The following CAMK2D variants were observed in gnomAD, a reference collection of about 807,000 sequenced individuals.
CAMK2D encodes calcium/calmodulin dependent protein kinase II delta, also known as calcium/calmodulin-dependent protein kinase type II subunit delta.
A neutral mutation model predicts 84.0 loss-of-function variants in CAMK2D; 37 were observed. That is an observed-to-expected ratio of 0.44 (90% CI 0.34 to 0.58). CAMK2D has a LOEUF of 0.58. Ranked by LOEUF, CAMK2D falls within the 20% of genes least tolerant of loss-of-function variation. The pLI is 0.02. For missense variants in CAMK2D, 448 were observed against 652.5 expected (o/e 0.69, Z 3.41); for synonymous variants, 202 against 212.5 (o/e 0.95, Z 0.43).
intron 3 of CAMK2D, among the ~76,000 whole-genome samples, chr4:113,624,002 G>A (rs755255211): frequency 2.0e-5 from 3 of 152,032 alleles, no homozygotes; most frequent in Non-Finnish European, 4.4e-5. Flanking sequence ...TCTGACCTCT[G>A]AGATCCTTTC....
intron 3 of CAMK2D, among the ~76,000 whole-genome samples, chr4:113,645,029 T>A (rs577881465): frequency 2.6e-4 from 40 of 152,278 alleles, no homozygotes; most frequent in African/African-American, 9.4e-4. Context: ...TTTGTTTTTG[T>A]TTTTTGAGAC....
intron 4 of CAMK2D, among the ~76,000 whole-genome samples, chr4:113,586,988 C>G (rs2098837128): frequency 6.6e-6 from 1 of 152,146 alleles, no homozygotes; most frequent in African/African-American, 2.4e-5. Flanking sequence ...CCATTCAAAA[C>G]TAAATGCAAG....
intron 16 of CAMK2D, among the ~76,000 whole-genome samples, chr4:113,474,000 TAAATA>T (rs1403838328): frequency 1.3e-5 from 2 of 151,056 alleles, no homozygotes; most frequent in East Asian, 3.8e-4. Context: ...AAAAATGACT[TAAATA>T]AATGTTTTAG....
Position 113,761,009 on chromosome 4 carries a change from A to G in CAMK2D, c.60T>C (p.Leu20=), listed in dbSNP as rs753602093. 6.2e-7 allele frequency: 1 copy of G among 1,614,010 alleles called. No homozygotes were observed. The highest frequency in any genetic ancestry group is 2.2e-5 in the East Asian group (1 of 44,888). ...TGCCGGGCAAAGGTGCTTACTTTCCAAGCTCCTCGAAAAGCTGATACTCGT... is the reference window on the plus strand; with the variant it reads ...TGCCGGGCAAAGGTGCTTACTTTCCGAGCTCCTCGAAAAGCTGATACTCGT... ...FTDEYQLFEE[L]GKGAFSVVRR... is the part of the protein sequence containing the mutation. Residue 20 remains leucine, a synonymous_variant, in exon 1 of 21, where the codon CTT becomes CTC. Transcript: ENST00000511664.
intron 16 of CAMK2D, among the ~76,000 whole-genome samples, chr4:113,486,245 C>G (rs1426741622): frequency 6.6e-6 from 1 of 151,920 alleles, no homozygotes; most frequent in Non-Finnish European, 1.5e-5. Flanking sequence ...GCCTCAGCCT[C>G]TCGAGTAGGT....
At chr4:113,735,146 T>C (rs2099577939) in intron 2 of CAMK2D, among the ~76,000 whole-genome samples, 4 of 151,572 alleles carry the variant, frequency 2.6e-5, no homozygotes, top group Admixed American at 2.6e-4. Flanking sequence ...ATATATAAAA[T>C]TCTGCCTTTT....
chr4:113,575,532 G>A (rs943796877), intron 4 of CAMK2D, among the ~76,000 whole-genome samples: 17 of 152,148 alleles, frequency 1.1e-4, no homozygotes, highest in African/African-American at 3.6e-4. Context: ...AGTTTTTGGT[G>A]CTTAAGAACT....
At chr4:113,505,898 G>A (rs1044358169) in intron 13 of CAMK2D, among the ~76,000 whole-genome samples, 3 of 152,106 alleles carry the variant, frequency 2.0e-5, no homozygotes, top group Admixed American at 1.3e-4. Context: ...CTACAACTGA[G>A]TCGGGGCACT....
chr4:113,468,117 G>C lies in CAMK2D; in HGVS notation c.1136-2513C>G, dbSNP rs184692515. On this transcript the variant is annotated intron_variant, in intron 16 of 20. Coordinates refer to ENST00000511664, the MANE Select transcript of CAMK2D (RefSeq NM_001321571.2). Reference sequence around the variant, plus strand: ...GGATCACTTCCTAAAGTTTCTGAAAGTCTCTGCACTGCCTCACAAGCATAA... The same window carrying C: ...GGATCACTTCCTAAAGTTTCTGAAACTCTCTGCACTGCCTCACAAGCATAA... 3.5e-3 allele frequency among the ~76,000 whole-genome samples: 538 copies of C among 152,180 alleles called. 4 individuals are homozygous for C. Among genetic ancestry groups the C allele is most frequent in the African/African-American group, 0.012 (516 of 41,520 alleles).
chr4:113,472,055 C>T (rs564171842), intron 16 of CAMK2D, among the ~76,000 whole-genome samples: 7 of 152,186 alleles, frequency 4.6e-5, no homozygotes, highest in African/African-American at 1.7e-4. Flanking sequence ...TTTTCAATAC[C>T]TTGCTCAAGT....
At chr4:113,619,284 T>C (rs530181334) in intron 3 of CAMK2D, among the ~76,000 whole-genome samples, 1 of 152,310 alleles carries the variant, frequency 6.6e-6, no homozygotes, top group East Asian at 1.9e-4. Flanking sequence ...GCCTGATCTA[T>C]GGCAAGTCCA....
intron 4 of CAMK2D, among the ~76,000 whole-genome samples, chr4:113,552,568 A>G (rs570131018): frequency 6.6e-6 from 1 of 152,206 alleles, no homozygotes; most frequent in Non-Finnish European, 1.5e-5. Flanking sequence ...TGCTTTTCCC[A>G]CAAAAGTGGG....
At chr4:113,511,195 G>A (rs1393484459) in intron 12 of CAMK2D, among the ~76,000 whole-genome samples, 1 of 152,072 alleles carries the variant, frequency 6.6e-6, no homozygotes, top group Non-Finnish European at 1.5e-5. Context: ...TTACTTTAAA[G>A]AGCATGTTTG....
intron 16 of CAMK2D, among the ~76,000 whole-genome samples, chr4:113,481,597 A>G (rs1200735246): frequency 6.6e-6 from 1 of 152,162 alleles, no homozygotes; most frequent in Non-Finnish European, 1.5e-5. Flanking sequence ...CTTGTGCCTC[A>G]GCCTCCCAAG....
rs183916196 is a variant in CAMK2D at position 113,459,253 on chromosome 4, C to T, written c.1306+894G>A. On this transcript the variant is annotated intron_variant, in intron 18 of 20. Coordinates refer to ENST00000511664, the MANE Select transcript of CAMK2D (RefSeq NM_001321571.2). ...TTAAAATTTGAGACAGGGTCTCGTT[C>T]TGTCACCCAGGCAGGAGTCCAGTGG... Among the ~76,000 whole-genome samples the T allele has an allele frequency of 1.2e-4, 18 of 152,260 alleles. No individual in the cohort carries two copies. In the East Asian group the frequency reaches 2.9e-3, roughly 24 times the overall value.
intron 13 of CAMK2D, chr4:113,508,288 A>AGAAAG: frequency 6.6e-7 from 1 of 1,510,938 alleles, no homozygotes; most frequent in South Asian, 1.2e-5. Context: ...CCAGTCAAAG[A>AGAAAG]GAAAGGAAAA....
chr4:113,602,385 G>A (rs35584920), intron 4 of CAMK2D, among the ~76,000 whole-genome samples: 37,349 of 151,998 alleles, frequency 0.25, 5,026 homozygotes, highest in Middle Eastern at 0.34. Flanking sequence ...ATTTTTTGCT[G>A]AAGGCAATTG....
rs553563630 is a variant in CAMK2D, at chr4:113,667,189, A to T, written c.161-5417T>A. On this transcript the variant is annotated intron_variant, in intron 2 of 20. Transcript: ENST00000511664. ...TTGCATCTGCTTATTACATTTTTTT[A>T]AAAAATCTCTTCATGAGTTATTGCT... Among the ~76,000 whole-genome samples the T allele has an allele frequency of 5.3e-5, 8 of 152,280 alleles. 1 individual carries two copies. Among genetic ancestry groups the T allele is most frequent in the East Asian group, 3.9e-4 (2 of 5,188 alleles).
At chr4:113,535,871 G>A (rs2098486160) in intron 7 of CAMK2D, among the ~76,000 whole-genome samples, 1 of 152,116 alleles carries the variant, frequency 6.6e-6, no homozygotes, top group South Asian at 2.1e-4. Flanking sequence ...CACCCTGAAT[G>A]GTAAATAGTT....
Sources: allele counts gnomAD v4.1 joint callset (sites outside exome capture counted in the v4.1 genomes callset), GRCh38; gene constraint gnomAD v4.1.1; transcripts MANE v1.5; gene names NCBI Gene and HGNC (gene_info 2026-07-23, HGNC 2026-07-21).